CACNA1C: variants seen among roughly 807,000 people sequenced by gnomAD.
CACNA1C encodes the protein calcium voltage-gated channel subunit alpha1 C, also known as voltage-dependent L-type calcium channel subunit alpha-1C.
Under a neutral mutation model 229.0 loss-of-function variants are expected in CACNA1C, and 30 were observed. The observed-to-expected ratio is 0.13, with a 90% CI of 0.10 to 0.18. The LOEUF (loss-of-function observed/expected upper bound fraction) is 0.18, where lower values mean the gene tolerates loss of function less well. Ranked by LOEUF, CACNA1C falls within the 10% of genes least tolerant of loss-of-function variation. CACNA1C has a pLI of 1.00. For missense variants in CACNA1C, 1,658 were observed against 2,845.0 expected, an observed-to-expected ratio of 0.58 and a Z score of 9.49; for synonymous variants, 1,114 against 1,132.5, an observed-to-expected ratio of 0.98 and a Z score of 0.33.
chr12:2,268,797 C>T lies in CACNA1C; in HGVS notation c.477+148367C>T, dbSNP rs575821955. The stretch of plus-strand genomic sequence containing the variant: ...CCATCTGCCAAAGATGATTTAGTTC[C>T]GGAAGAGGCAAGGGATAGAACGAGA... On this transcript the variant is annotated intron_variant, in intron 3 of 46. Coordinates refer to ENST00000399655, the MANE Select transcript of CACNA1C (RefSeq NM_000719.7). Among the ~76,000 whole-genome samples, 49 of 152,268 alleles carry T rather than the reference C, an allele frequency of 3.2e-4. 1 individual carries two copies. In the South Asian group the frequency reaches 5.0e-3, roughly 15 times the overall value.
intron 7 of CACNA1C, among the ~76,000 whole-genome samples, chr12:2,499,628 G>A (rs773030040): frequency 4.6e-5 from 7 of 152,192 alleles, no homozygotes; most frequent in Non-Finnish European, 8.8e-5. Context: ...TAGTGAGGCT[G>A]TTTCAGCCAA....
At chr12:2,671,022 T>C (rs2096542409) in intron 38 of CACNA1C, among the ~76,000 whole-genome samples, 1 of 151,178 alleles carries the variant, frequency 6.6e-6, no homozygotes. Context: ...AAACACACTT[T>C]TTTTTTTTTT....
intron 1 of CACNA1C, among the ~76,000 whole-genome samples, chr12:2,086,845 T>G (rs1169732773): frequency 1.3e-5 from 2 of 152,214 alleles, no homozygotes; most frequent in Non-Finnish European, 1.5e-5. Flanking sequence ...GGCCAGAACT[T>G]AGTCATATGG....
At chr12:2,277,702 C>A (rs1046307844) in intron 3 of CACNA1C, among the ~76,000 whole-genome samples, 5 of 152,214 alleles carry the variant, frequency 3.3e-5, no homozygotes, top group African/African-American at 1.2e-4. Context: ...TCCGAAGGAG[C>A]TGAGGAAGCC....
At chr12:2,273,703 G>A (rs965935912) in intron 3 of CACNA1C, among the ~76,000 whole-genome samples, 2 of 152,244 alleles carry the variant, frequency 1.3e-5, no homozygotes, top group Admixed American at 6.5e-5. Flanking sequence ...AACTTTGCAC[G>A]ATTTCCTATG....
At chr12:2,495,447 G>A (rs1441049069) in intron 7 of CACNA1C, among the ~76,000 whole-genome samples, 1 of 152,216 alleles carries the variant, frequency 6.6e-6, no homozygotes, top group Non-Finnish European at 1.5e-5. Flanking sequence ...AGGGTGGGTG[G>A]AGGGTAGGAA....
At chr12:2,366,584 T>C (rs2097724795) in intron 3 of CACNA1C, among the ~76,000 whole-genome samples, 1 of 152,180 alleles carries the variant, frequency 6.6e-6, no homozygotes, top group Non-Finnish European at 1.5e-5. Flanking sequence ...TGCAAATGCT[T>C]TTAATACGTA....
At chr12:2,398,862 A>T (rs1457453060) in intron 3 of CACNA1C, among the ~76,000 whole-genome samples, 1 of 152,184 alleles carries the variant, frequency 6.6e-6, no homozygotes, top group African/African-American at 2.4e-5. Context: ...AGAAATCATG[A>T]AACATTCTTA....
intron 1 of CACNA1C, among the ~76,000 whole-genome samples, chr12:2,098,783 G>A (rs1010373396): frequency 1.3e-5 from 2 of 152,192 alleles, no homozygotes; most frequent in Non-Finnish European, 2.9e-5. Flanking sequence ...TGCGTGCCCC[G>A]AGGCTTTATC....
intron 1 of CACNA1C, among the ~76,000 whole-genome samples, chr12:2,073,006 G>T (rs1169728998): frequency 6.6e-6 from 1 of 152,130 alleles, no homozygotes; most frequent in Non-Finnish European, 1.5e-5. Flanking sequence ...CATCTGCTGT[G>T]CTAGAGCGGA....
At chr12:2,209,717 A>C (rs1157775411) in intron 3 of CACNA1C, among the ~76,000 whole-genome samples, 6 of 152,254 alleles carry the variant, frequency 3.9e-5, no homozygotes, top group Non-Finnish European at 8.8e-5. Flanking sequence ...TGGGGCAAGA[A>C]GCAAGTCAGA....
chr12:2,050,182 C>A (rs1275400825), upstream of CACNA1C, among the ~76,000 whole-genome samples: 2 of 152,082 alleles, frequency 1.3e-5, no homozygotes, highest in Non-Finnish European at 2.9e-5. Context: ...GCAGCCCTGC[C>A]CCCACCAGCT....
intron 1 of CACNA1C, among the ~76,000 whole-genome samples, chr12:2,044,662 G>A (rs945449484): frequency 2.0e-5 from 3 of 152,148 alleles, no homozygotes; most frequent in African/African-American, 4.8e-5. Context: ...TTGACCCAAG[G>A]GTATCCCTAT....
intron 3 of CACNA1C, among the ~76,000 whole-genome samples, chr12:2,211,574 C>T (rs991249408): frequency 4.6e-5 from 7 of 151,864 alleles, no homozygotes; most frequent in African/African-American, 1.7e-4. Context: ...GCAGACTCTC[C>T]TTCTTCTAAG....
chr12:2,603,818 T>C (rs1273740661), intron 22 of CACNA1C: 2 of 152,236 alleles, frequency 1.3e-5, no homozygotes, highest in Non-Finnish European at 2.9e-5. Flanking sequence ...TCACATTTAT[T>C]TAACGTGTAT....
chr12:2,627,401 A>G (rs2087388508), intron 29 of CACNA1C, among the ~76,000 whole-genome samples: 1 of 152,064 alleles, frequency 6.6e-6, no homozygotes, highest in Non-Finnish European at 1.5e-5. Flanking sequence ...TCAACTCTGC[A>G]TAGACACACA....
At chr12:2,547,339 T>C (rs761707693) in intron 9 of CACNA1C, 2 of 673,436 alleles carry the variant, frequency 3.0e-6, no homozygotes, top group Non-Finnish European at 5.5e-6. Flanking sequence ...AAATGGATGT[T>C]CTATGTGAAA....
At position 2,269,317 on chromosome 12, in the gene CACNA1C, A is replaced by T. The variant is rs1294787746; in HGVS notation, c.477+148887A>T. Among the ~76,000 whole-genome samples the T allele has an allele frequency of 2.3e-4, 35 of 152,188 alleles. 1 individual carries two copies. The highest frequency in any genetic ancestry group is 2.3e-3 in the Admixed American group (35 of 15,282). ...AGGTTAAACCTGCCTAAATTCTGCT[A>T]TCTGTGTATGTGCTTAAGGGGATGG... On this transcript the variant is annotated intron_variant, in intron 3 of 46. Transcript: ENST00000399655.
At chr12:2,377,080 C>A (rs970262883) in intron 3 of CACNA1C, among the ~76,000 whole-genome samples, 58 of 152,098 alleles carry the variant, frequency 3.8e-4, no homozygotes, top group African/African-American at 1.4e-3. Flanking sequence ...GGGGCAGCTC[C>A]CCAGCTGGCG....
Sources: allele counts gnomAD v4.1 joint callset (sites outside exome capture counted in the v4.1 genomes callset), GRCh38; gene constraint gnomAD v4.1.1; transcripts MANE v1.5; gene names NCBI Gene and HGNC (gene_info 2026-07-23, HGNC 2026-07-21).